Variants in PRKACA observed in about 807,000 individuals in gnomAD.
PRKACA encodes the protein protein kinase cAMP-activated catalytic subunit alpha.
A neutral mutation model predicts 45.8 loss-of-function variants in PRKACA; 9 were observed. The ratio of observed to expected loss-of-function variants is 0.20; its 90% CI spans 0.12 to 0.34. The LOEUF is 0.34. PRKACA is among the 10% of genes least tolerant of loss of function. PRKACA has a pLI of 1.00. For missense variants in PRKACA, 238 were observed against 458.6 expected, an observed-to-expected ratio of 0.52 and a Z score of 4.39; for synonymous variants, 160 against 178.6, an observed-to-expected ratio of 0.90 and a Z score of 0.83.
chr19:14,101,009 A>C (rs1270317711), intron 4 of PRKACA, 101 bp from the exon 5 acceptor site: 3 of 993,130 alleles, frequency 3.0e-6, no homozygotes, highest in Non-Finnish European at 4.8e-6. Context: ...ATTAAATGAC[A>C]ACAGCGATCC....
chr19:14,114,801 G>A lies in PRKACA; in HGVS notation c.46+2701C>T, dbSNP rs1269010606. On this transcript the variant is annotated intron_variant, in intron 1 of 9. Transcript: ENST00000308677. The stretch of plus-strand genomic sequence containing the variant: ...TAGATTCCCCCAACTCCACTCCAGG[G>A]TTCATTCTGGATCCCTGGCCTCTTG... 2.0e-5 allele frequency among the ~76,000 whole-genome samples: 3 copies of A among 151,410 alleles called. No homozygotes were observed. The South Asian group carries it at 6.3e-4, about 32-fold the overall frequency.
Position 14,097,556 on chromosome 19 carries a change from G to A in PRKACA, c.642+23C>T. The A allele has an allele frequency of 6.2e-7, 1 of 1,613,206 alleles. No homozygotes were observed. Among genetic ancestry groups the A allele is most frequent in the Non-Finnish European group, 8.5e-7 (1 of 1,179,512 alleles). ...AGAGCAGAGCCGGCCTCAGGGGAAG[G>A]GGAGGGCTGGGGAGGCTCCTACTTT... On this transcript the variant is annotated intron_variant, in intron 7 of 9. Coordinates refer to ENST00000308677, the MANE Select transcript of PRKACA (RefSeq NM_002730.4). The surrounding 1 kb of genome is among the most constrained non-coding windows in gnomAD (Gnocchi z 5.4).
intron 1 of PRKACA, among the ~76,000 whole-genome samples, chr19:14,116,375 G>C (rs1967105966): frequency 6.6e-6 from 1 of 152,146 alleles, no homozygotes; most frequent in African/African-American, 2.4e-5. Context: ...CTCTGGCTGA[G>C]CCCTGGGAAT....
chr19:14,092,374 T>G lies in PRKACA; in HGVS notation c.*738A>C. On this transcript the variant is annotated 3_prime_UTR_variant, in exon 10 of 10. Transcript: ENST00000308677. ...TAAAGGGGCCTAGACCCTCGCAGGA[T>G]TGGCAGAGAGGATTCCCCGGGGAGG... 2.8e-6 allele frequency: 1 copy of G among 351,536 alleles called. No homozygotes were observed. The highest frequency in any genetic ancestry group is 4.1e-5 in the East Asian group (1 of 24,108). 21.8% of individuals were successfully genotyped at this position (351,536 alleles called of 1,614,324 possible). A position where few individuals can be genotyped will look rare whatever the true frequency, so the allele number is the denominator to read the frequency against.
In PRKACA at chr19:14,107,776, C is replaced by T. The variant is rs1383322239; in HGVS notation, c.47-367G>A. ...ATAGCCTTGGGATTTGGCTGTTCCT[C>T]TGGCCCCTTCTCTGGGGAGGCCGGG... is the stretch of plus-strand genomic sequence containing the variant. On this transcript the variant is annotated intron_variant, in intron 1 of 9. Coordinates refer to ENST00000308677, the MANE Select transcript of PRKACA (RefSeq NM_002730.4). 5.9e-6 allele frequency: 6 copies of T among 1,020,564 alleles called. No individual in the cohort carries two copies. The East Asian group carries it at 4.8e-4, about 82-fold the overall frequency. The allele number at this position is 1,020,564 out of a possible 1,614,324, so 63.2% of individuals were successfully genotyped here. A position where few individuals can be genotyped will look rare whatever the true frequency, so the allele number is the denominator to read the frequency against.
intron 1 of PRKACA, chr19:14,112,775 G>A (rs1967004744): frequency 6.6e-6 from 1 of 152,532 alleles, no homozygotes; most frequent in Non-Finnish European, 1.5e-5. Context: ...CAGGACGCCA[G>A]GCCCTGCCTT....
intron 1 of PRKACA, among the ~76,000 whole-genome samples, chr19:14,111,692 A>T (rs1966969549): frequency 6.6e-6 from 1 of 152,168 alleles, no homozygotes; most frequent in South Asian, 2.1e-4. Context: ...CCCCCACCTT[A>T]GTCTCCCAAA....
At chr19:14,107,222 A>G in intron 2 of PRKACA, 126 bp downstream of exon 2, 1 of 1,038,466 alleles carries the variant, frequency 9.6e-7, no homozygotes, top group Non-Finnish European at 1.4e-6. Flanking sequence ...GCACCTAGGG[A>G]GCAAATGGGG....
intron 5 of PRKACA, among the ~76,000 whole-genome samples, chr19:14,099,990 G>A (rs1297514474): frequency 6.6e-6 from 1 of 151,718 alleles, no homozygotes; most frequent in Non-Finnish European, 1.5e-5. Context: ...ATAGGCGCCC[G>A]CCATCACACC....
intron 3 of PRKACA, among the ~76,000 whole-genome samples, chr19:14,105,612 G>GT (rs1977579211): frequency 6.6e-6 from 1 of 151,952 alleles, no homozygotes; most frequent in African/African-American, 2.4e-5. Context: ...TACAAACTTT[G>GT]GGTGTTTTTT....
chr19:14,099,784 T>C (rs1977388103), intron 5 of PRKACA, among the ~76,000 whole-genome samples: 2 of 151,362 alleles, frequency 1.3e-5, no homozygotes, highest in Non-Finnish European at 2.9e-5. Context: ...TATAAAAATA[T>C]ATATTAAAAT....
intron 5 of PRKACA, among the ~76,000 whole-genome samples, chr19:14,099,267 G>A (rs1244935686): frequency 1.3e-5 from 2 of 152,174 alleles, no homozygotes; most frequent in South Asian, 2.1e-4. Flanking sequence ...ACTCCAGCCT[G>A]GGTGACAAGA....
In PRKACA at chr19:14,108,612, G is replaced by A. The variant is rs1267860222; in HGVS notation, c.47-1203C>T. ...TTTTTAGTGGAGACGGGGTTTCACCGTGTTAGCCAGGATGGTCTCGATCTC... is the reference window on the plus strand; with the variant it reads ...TTTTTAGTGGAGACGGGGTTTCACCATGTTAGCCAGGATGGTCTCGATCTC... On this transcript the variant is annotated intron_variant, in intron 1 of 9. Coordinates refer to ENST00000308677, the MANE Select transcript of PRKACA (RefSeq NM_002730.4). 2.6e-5 allele frequency among the ~76,000 whole-genome samples: 4 copies of A among 151,196 alleles called. 1 individual carries two copies. The highest frequency in any genetic ancestry group is 4.2e-4 in the South Asian group (2 of 4,804).
intron 3 of PRKACA, among the ~76,000 whole-genome samples, chr19:14,105,963 G>T (rs776216391): frequency 7.2e-5 from 11 of 152,160 alleles, no homozygotes; most frequent in Admixed American, 3.9e-4. Flanking sequence ...ACAGTGCCTG[G>T]CTTTGAATCC....
intron 1 of PRKACA, chr19:14,114,040 T>C: frequency 1.4e-6 from 2 of 1,405,094 alleles, no homozygotes; most frequent in South Asian, 2.4e-5. Flanking sequence ...CCTTCTTCTC[T>C]TCGCCTGTGC....
At chr19:14,104,941 A>G (rs895465881) in intron 3 of PRKACA, among the ~76,000 whole-genome samples, 1 of 152,198 alleles carries the variant, frequency 6.6e-6, no homozygotes, top group African/African-American at 2.4e-5. Flanking sequence ...ACTTTCAGGC[A>G]TGGTTGGAAC....
chr19:14,097,781 G>C lies in PRKACA; in HGVS notation c.529C>G (p.Gln177Glu). The change falls in exon 6 of 10, where the codon CAG (glutamine) becomes GAG (glutamate). Residue 177 changes from glutamine (Q) to glutamate (E), a missense_variant. Transcript: ENST00000308677. This position sits in a 1 kb window ranked among gnomAD's most constrained non-coding sequence, Gnocchi z 5.4. ...DLKPENLLID[Q>E]QGYIQVTDFG... ...GTGGGCACCTGAATGTAGCCCTGCT[G>C]GTCAATGAGCAGATTCTCCGGCTTC... 1 of 1,614,178 alleles carries C rather than the reference G, an allele frequency of 6.2e-7. No homozygotes were observed.
chr19:14,094,701 C>T (rs902253452), intron 8 of PRKACA, among the ~76,000 whole-genome samples: 11 of 152,198 alleles, frequency 7.2e-5, no homozygotes, highest in Admixed American at 6.5e-4. Flanking sequence ...AACTTGCATT[C>T]TCAGCTGCTG....
Position 14,097,068 on chromosome 19 carries a change from C to A in PRKACA, c.765+293G>T. On this transcript the variant is annotated intron_variant, in intron 8 of 9. Transcript: ENST00000308677. This position sits in a 1 kb window ranked among gnomAD's most constrained non-coding sequence, Gnocchi z 5.4. ...AACTCACACTAACTGGGATGAGGAG[C>A]GAAAAGGAGGGTCGTCTGGCAGGGC... The A allele has an allele frequency of 2.3e-6, 1 of 431,818 alleles. No homozygotes were observed. The allele number at this position is 431,818 out of a possible 1,614,324, so 26.7% of individuals were successfully genotyped here.
Sources: gnomAD v4.1 joint callset for allele counts (sites outside exome capture counted in the v4.1 genomes callset) on GRCh38, gnomAD v4.1.1 for gene constraint, Gnocchi (gnomAD v3.1) non-coding constraint, MANE v1.5 for transcripts, NCBI Gene and HGNC (gene_info 2026-07-23, HGNC 2026-07-21) for gene names.